Variants in RUFY2 observed in about 807,000 individuals in gnomAD.
RUFY2 encodes the protein RUN and FYVE domain-containing protein 2.
Under a neutral mutation model 94.4 loss-of-function variants are expected in RUFY2, and 49 were observed. That is an observed-to-expected ratio of 0.52 (90% CI 0.41 to 0.66). The LOEUF (loss-of-function observed/expected upper bound fraction) is 0.66, where lower values mean the gene tolerates loss of function less well. RUFY2 is among the 30% of genes least tolerant of loss of function. The pLI, the probability that RUFY2 is intolerant of heterozygous loss-of-function variation, is 0.00. For synonymous variants in RUFY2, 255 were observed against 235.7 expected, an observed-to-expected ratio of 1.08 and a Z score of -0.75; for missense variants, 541 against 692.8, an observed-to-expected ratio of 0.78 and a Z score of 2.46.
intron 2 of RUFY2, among the ~76,000 whole-genome samples, chr10:68,401,958 A>G (rs964763039): frequency 1.3e-5 from 2 of 152,182 alleles, no homozygotes; most frequent in Non-Finnish European, 2.9e-5. Flanking sequence ...CACAGTGACC[A>G]TTCTTTCATA....
Position 68,404,700 on chromosome 10 carries a change from A to G in RUFY2, c.149T>C (p.Met50Thr). Reference sequence around the variant, plus strand: ...AAGACCGTGTTTCAGGCAATGTTCCATAACAACAAAGAATTGCTGCAAGGG... The same window carrying G: ...AAGACCGTGTTTCAGGCAATGTTCCGTAACAACAAAGAATTGCTGCAAGGG... ...YPPLQQFFVV[M>T]EHCLKHGLKV... Residue 50 changes from methionine to threonine, a missense_variant, in exon 2 of 18, where the codon ATG becomes ACG. Physicochemically the swap from Met to Thr is moderately conservative, Grantham distance 81. Around this residue, in one of 3 missense-constraint regions of RUFY2, gnomAD observed 53 missense variants for 58.6 expected, o/e 0.90. Coordinates refer to ENST00000602465, the MANE Select transcript of RUFY2 (RefSeq NM_001330103.2). 6.2e-7 allele frequency: 1 copy of G among 1,612,080 alleles called. No homozygotes were observed. The highest frequency in any genetic ancestry group is 1.1e-5 in the South Asian group (1 of 90,598).
At chr10:68,358,218 C>A (rs756802500) in intron 15 of RUFY2, among the ~76,000 whole-genome samples, 26 of 151,804 alleles carry the variant, frequency 1.7e-4, no homozygotes, top group African/African-American at 3.6e-4. Flanking sequence ...CAAACAACAA[C>A]AAAAAAATTG....
At chr10:68,396,636 TTC>T (rs1300366338) in intron 4 of RUFY2, 142 bp downstream of exon 4, 1 of 509,774 alleles carries the variant, frequency 2.0e-6, no homozygotes, top group African/African-American at 1.9e-5. Context: ...TATCATGTTT[TTC>T]TGTCTCATTT....
chr10:68,378,494 T>A, intron 12 of RUFY2: 2 of 1,383,700 alleles, frequency 1.4e-6, no homozygotes, highest in Non-Finnish European at 1.9e-6. Flanking sequence ...TTTAGATTCC[T>A]TTCTATTTAA....
chr10:68,351,047 T>C (rs918976823), intron 16 of RUFY2, among the ~76,000 whole-genome samples: 1 of 152,086 alleles, frequency 6.6e-6, no homozygotes, highest in Non-Finnish European at 1.5e-5. Context: ...ATATGCATTC[T>C]TATATGCATA....
In RUFY2 at chr10:68,401,646, A is replaced by G; in HGVS notation, c.270T>C (p.Ala90=). ...TCAGACCAGGTAGATCCCGGACACT[A>G]GCTCCTATTTCCTCTGCTTCGGGGT... ...KLYPEAEEIG[A]SVRDLPGLKT... is the part of the protein sequence containing the mutation. Residue 90 remains alanine, a synonymous_variant, in exon 3 of 18, where the codon GCT becomes GCC. Coordinates refer to ENST00000602465, the MANE Select transcript of RUFY2 (RefSeq NM_001330103.2). 3 of 1,613,372 alleles carry G rather than the reference A, an allele frequency of 1.9e-6. No homozygotes were observed. Among genetic ancestry groups the G allele is most frequent in the Non-Finnish European group, 2.5e-6 (3 of 1,179,344 alleles).
At chr10:68,348,298 G>A (rs899473535) in intron 16 of RUFY2, among the ~76,000 whole-genome samples, 1 of 151,358 alleles carries the variant, frequency 6.6e-6, no homozygotes, top group Non-Finnish European at 1.5e-5. Flanking sequence ...TTTAGACCAG[G>A]AGTTCAAGAC....
chr10:68,344,686 A>G lies in RUFY2; in HGVS notation c.*1082T>C, dbSNP rs1051441120. On this transcript the variant is annotated 3_prime_UTR_variant, in exon 18 of 18. Coordinates refer to ENST00000602465, the MANE Select transcript of RUFY2 (RefSeq NM_001330103.2). Reference sequence around the variant, plus strand: ...GCAACAAGAGTGAAACTCCATCTCGAAAAAAAAAGAAATAGGTCAAGTGTA... The same window carrying G: ...GCAACAAGAGTGAAACTCCATCTCGGAAAAAAAAGAAATAGGTCAAGTGTA... 4.1e-5 allele frequency: 6 copies of G among 146,846 alleles called. No homozygotes were observed. The highest frequency in any genetic ancestry group is 2.7e-4 in the Admixed American group (4 of 15,022). The allele number at this position is 146,846 out of a possible 1,614,324, so 9.1% of individuals were successfully genotyped here.
downstream of RUFY2, chr10:68,341,604 C>A (rs1310731531): frequency 6.2e-7 from 1 of 1,611,990 alleles, no homozygotes. Context: ...ATATTGAACT[C>A]TTCTTGAATT....
Position 68,391,539 on chromosome 10 carries a change from T to C in RUFY2, c.650+1599A>G, listed in dbSNP as rs1412932919. ...GGTGCACACTTGTGGTCCCAGCTAC[T>C]TGGGAGACTGAGGCAGGAGGACTGC... On this transcript the variant is annotated intron_variant, in intron 7 of 17. Coordinates refer to ENST00000602465, the MANE Select transcript of RUFY2 (RefSeq NM_001330103.2). Among the ~76,000 whole-genome samples the C allele has an allele frequency of 4.0e-5, 6 of 151,296 alleles. No homozygotes were observed. In the Admixed American group the frequency reaches 4.0e-4, roughly 10 times the overall value.
chr10:68,355,990 T>G (rs2047031530), intron 15 of RUFY2, among the ~76,000 whole-genome samples: 1 of 152,178 alleles, frequency 6.6e-6, no homozygotes, highest in Non-Finnish European at 1.5e-5. Flanking sequence ...TATCATTTAT[T>G]GTAGGTTTAC....
intron 13 of RUFY2, among the ~76,000 whole-genome samples, chr10:68,371,750 A>G (rs2048297456): frequency 6.6e-6 from 1 of 152,184 alleles, no homozygotes; most frequent in East Asian, 1.9e-4. Flanking sequence ...CAAATCCCAA[A>G]TAGGTTAAAG....
Position 68,381,238 on chromosome 10 carries a change from C to G in RUFY2, c.1101G>C (p.Lys367Asn). ...VKAINIEMYQ[K>N]LQGSEDGLKE... ...ATTTAAGAACAATCCTTACCTGCAA[C>G]TTTTGATACATCTCTATGTTAATTG... The change falls in exon 11 of 18, where the codon AAG (lysine) becomes AAC (asparagine). Residue 367 changes from lysine to asparagine, a missense_variant. By Grantham distance (94) the Lys-to-Asn change is moderately conservative (BLOSUM62 0). Coordinates refer to ENST00000602465, the MANE Select transcript of RUFY2 (RefSeq NM_001330103.2). 1 of 1,603,336 alleles carries G rather than the reference C, an allele frequency of 6.2e-7. No individual in the cohort carries two copies. The highest frequency in any genetic ancestry group is 8.5e-7 in the Non-Finnish European group (1 of 1,174,600).
Position 68,344,863 on chromosome 10 carries a change from C to CT in RUFY2, c.*904dup, listed in dbSNP as rs1410904946. On this transcript the variant is annotated 3_prime_UTR_variant, in exon 18 of 18. Coordinates refer to ENST00000602465, the MANE Select transcript of RUFY2 (RefSeq NM_001330103.2). Reference sequence around the variant, plus strand: ...AATACAAAATTTTTTGAACTGAACTCTAATACATTACCAAAGCAAAGTCCT... The same window carrying CT: ...AATACAAAATTTTTTGAACTGAACTCTTAATACATTACCAAAGCAAAGTCCT... 2.0e-5 allele frequency: 3 copies of CT among 152,150 alleles called. No homozygotes were observed. The highest frequency in any genetic ancestry group is 2.0e-4 in the Admixed American group (3 of 15,280). The allele number at this position is 152,150 out of a possible 1,614,324, so 9.4% of individuals were successfully genotyped here.
chr10:68,378,372 G>GT (rs2048805332), intron 12 of RUFY2: 2 of 1,229,356 alleles, frequency 1.6e-6, no homozygotes, highest in Non-Finnish European at 1.0e-6. Context: ...TTTGAGGAAC[G>GT]TATGTCTGGA....
chr10:68,341,339 T>A (rs763246761), downstream of RUFY2: 152 of 1,582,670 alleles, frequency 9.6e-5, no homozygotes, highest in Non-Finnish European at 1.2e-4. Flanking sequence ...CACAATCTTA[T>A]TTCCTAAACG....
chr10:68,373,052 T>C (rs2048387366), intron 13 of RUFY2, among the ~76,000 whole-genome samples: 1 of 152,220 alleles, frequency 6.6e-6, no homozygotes, highest in Non-Finnish European at 1.5e-5. Context: ...ATTACAACAT[T>C]GTCTAACATG....
rs965122516 is a variant in RUFY2 at position 68,355,632 on chromosome 10, C to T, written c.1551-231G>A. 11 of 326,126 alleles carry T rather than the reference C, an allele frequency of 3.4e-5. No individual in the cohort carries two copies. In the East Asian group the frequency reaches 4.6e-4, roughly 14 times the overall value. The allele number at this position is 326,126 out of a possible 1,614,324, so 20.2% of individuals were successfully genotyped here. On this transcript the variant is annotated intron_variant, in intron 15 of 17. Coordinates refer to ENST00000602465, the MANE Select transcript of RUFY2 (RefSeq NM_001330103.2). ...GCTTTTTAAGAAATATTGGCATTTT[C>T]GGCTGGGTGCGGTGGCTCATGCCTG...
chr10:68,390,934 ATTT>A (rs576388613), intron 7 of RUFY2, among the ~76,000 whole-genome samples: 5 of 124,164 alleles, frequency 4.0e-5, no homozygotes, highest in Admixed American at 8.1e-5. Context: ...ACCTGGCCTA[ATTT>A]TTTTTTTTTT....
Sources: allele counts gnomAD v4.1 joint callset (sites outside exome capture counted in the v4.1 genomes callset), GRCh38; gene constraint gnomAD v4.1.1; regional missense constraint gnomAD v4.1.1; transcripts MANE v1.5; gene names NCBI Gene and HGNC (gene_info 2026-07-23, HGNC 2026-07-21).